Variants in ATRNL1 observed in about 807,000 individuals in gnomAD.
ATRNL1 encodes the protein attractin like 1.
Under a neutral mutation model 182.7 loss-of-function variants are expected in ATRNL1, and 95 were observed. That is an observed-to-expected ratio of 0.52 (90% CI 0.44 to 0.62). The LOEUF is 0.62. Ranked by LOEUF, ATRNL1 falls within the 20% of genes least tolerant of loss-of-function variation. The pLI, the probability that ATRNL1 is intolerant of heterozygous loss-of-function variation, is 0.00. For synonymous variants in ATRNL1, 576 were observed against 568.3 expected (o/e 1.01, Z -0.19); for missense variants, 1,471 against 1,679.5 (o/e 0.88, Z 2.17).
At chr10:115,161,383 A>G (rs1846775772) in intron 6 of ATRNL1, among the ~76,000 whole-genome samples, 1 of 152,022 alleles carries the variant, frequency 6.6e-6, no homozygotes, top group Non-Finnish European at 1.5e-5. Context: ...GGTGGGATTA[A>G]AATGAATTGT....
chr10:115,594,467 A>C (rs1465767792), intron 26 of ATRNL1, among the ~76,000 whole-genome samples: 1 of 152,124 alleles, frequency 6.6e-6, no homozygotes, highest in East Asian at 1.9e-4. Flanking sequence ...CTAATGAGGA[A>C]CTGTAGGATA....
At chr10:115,403,753 C>T (rs782364446) in intron 20 of ATRNL1, among the ~76,000 whole-genome samples, 4 of 152,162 alleles carry the variant, frequency 2.6e-5, no homozygotes, top group Non-Finnish European at 5.9e-5. Context: ...CACCCAGCCT[C>T]CAACACTAAA....
At chr10:115,451,842 A>G (rs1468147029) in intron 21 of ATRNL1, among the ~76,000 whole-genome samples, 1 of 152,186 alleles carries the variant, frequency 6.6e-6, no homozygotes, top group African/African-American at 2.4e-5. Context: ...TCACAATAGC[A>G]AAAACATGGA....
At chr10:115,756,578 C>A (rs1948595607) in intron 27 of ATRNL1, among the ~76,000 whole-genome samples, 1 of 152,108 alleles carries the variant, frequency 6.6e-6, no homozygotes, top group South Asian at 2.1e-4. Context: ...TGTTTTCCTT[C>A]CAATTATGTG....
At chr10:115,571,732 A>G (rs1020362307) in intron 26 of ATRNL1, among the ~76,000 whole-genome samples, 2 of 152,206 alleles carry the variant, frequency 1.3e-5, no homozygotes, top group East Asian at 1.9e-4. Context: ...ATTTGCAGCT[A>G]TTACCTTTAT....
chr10:115,429,107 A>AT (rs1846032972), intron 21 of ATRNL1, among the ~76,000 whole-genome samples: 1 of 151,944 alleles, frequency 6.6e-6, no homozygotes, highest in Non-Finnish European at 1.5e-5. Flanking sequence ...GTTGAACTTG[A>AT]TTTTATGTGT....
chr10:115,144,210 C>T lies in ATRNL1; in HGVS notation c.829+14675C>T, dbSNP rs566530575. Among the ~76,000 whole-genome samples the T allele has an allele frequency of 1.4e-4, 21 of 151,956 alleles. No homozygotes were observed. In the East Asian group the frequency reaches 1.9e-3, roughly 14 times the overall value. On this transcript the variant is annotated intron_variant, in intron 5 of 28. Transcript: ENST00000355044. ...TCGCCCAGGCTGGAGTGCAGTGGCG[C>T]GATCTCGGCTCACTGCAAGTTCCGC...
chr10:115,947,828 G>A lies in ATRNL1; in HGVS notation c.*3049G>A, dbSNP rs1329599324. The A allele has an allele frequency of 6.6e-6, 1 of 152,190 alleles. No homozygotes were observed. The highest frequency in any genetic ancestry group is 2.4e-5 in the African/African-American group (1 of 41,424). 9.4% of individuals were successfully genotyped at this position (152,190 alleles called of 1,614,324 possible). A position where few individuals can be genotyped will look rare whatever the true frequency, so the allele number is the denominator to read the frequency against. On this transcript the variant is annotated 3_prime_UTR_variant, in exon 29 of 29. Coordinates refer to ENST00000355044, the MANE Select transcript of ATRNL1 (RefSeq NM_207303.4). ...ACCCAGCTTTCAGGTGTGTGGTGCTGGGTAAGTTTCACCTTTGAAGCCTCA... is the reference window on the plus strand; with the variant it reads ...ACCCAGCTTTCAGGTGTGTGGTGCTAGGTAAGTTTCACCTTTGAAGCCTCA...
At chr10:115,540,356 T>A (rs918049739) in intron 25 of ATRNL1, among the ~76,000 whole-genome samples, 2 of 152,038 alleles carry the variant, frequency 1.3e-5, no homozygotes, top group Admixed American at 6.6e-5. Flanking sequence ...ATTGTGACCA[T>A]AGCCTCCAGA....
intron 24 of ATRNL1, among the ~76,000 whole-genome samples, chr10:115,479,045 T>G (rs1554973639): frequency 6.6e-6 from 1 of 151,594 alleles, no homozygotes; most frequent in Non-Finnish European, 1.5e-5. Context: ...AACTGTTTAT[T>G]TAAAAGGCAG....
At chr10:115,882,889 A>T (rs1021334512) in intron 28 of ATRNL1, among the ~76,000 whole-genome samples, 1 of 152,300 alleles carries the variant, frequency 6.6e-6, no homozygotes, top group Non-Finnish European at 1.5e-5. Flanking sequence ...GCCGCCAGTT[A>T]TTTATGGAAG....
chr10:115,573,412 T>C (rs1028978873), intron 26 of ATRNL1, among the ~76,000 whole-genome samples: 27 of 151,454 alleles, frequency 1.8e-4, no homozygotes, highest in African/African-American at 5.3e-4. Flanking sequence ...TGGTCTGCTC[T>C]GGAGCTTGGG....
intron 3 of ATRNL1, among the ~76,000 whole-genome samples, chr10:115,126,103 G>A (rs183413007): frequency 7.9e-5 from 12 of 152,328 alleles, no homozygotes; most frequent in African/African-American, 2.9e-4. Context: ...CTGTCACCAG[G>A]CTGGAGTGCA....
intron 27 of ATRNL1, among the ~76,000 whole-genome samples, chr10:115,735,703 T>C (rs1000180773): frequency 9.9e-5 from 15 of 152,238 alleles, no homozygotes; most frequent in Admixed American, 9.8e-4. Flanking sequence ...TACTAAGTGA[T>C]GAATGGGCAA....
At chr10:115,613,870 C>A (rs1177045971) in intron 26 of ATRNL1, among the ~76,000 whole-genome samples, 2 of 151,802 alleles carry the variant, frequency 1.3e-5, no homozygotes, top group Non-Finnish European at 2.9e-5. Context: ...ATAATATCTC[C>A]TATTTCATTT....
At chr10:115,158,472 T>G (rs1206328044) in intron 5 of ATRNL1, among the ~76,000 whole-genome samples, 1 of 152,076 alleles carries the variant, frequency 6.6e-6, no homozygotes, top group Non-Finnish European at 1.5e-5. Flanking sequence ...ATATCTCTGA[T>G]TACTAAGGAA....
intron 27 of ATRNL1, among the ~76,000 whole-genome samples, chr10:115,781,428 A>G (rs1949263158): frequency 6.6e-6 from 1 of 152,238 alleles, no homozygotes; most frequent in African/African-American, 2.4e-5. Flanking sequence ...CTCTGTATAC[A>G]GTCAAAAGTC....
intron 5 of ATRNL1, among the ~76,000 whole-genome samples, chr10:115,155,139 G>C (rs977376978): frequency 6.6e-6 from 1 of 151,542 alleles, no homozygotes; most frequent in Non-Finnish European, 1.5e-5. Context: ...TCTAGTTTCT[G>C]TTTTAATGGA....
intron 18 of ATRNL1, among the ~76,000 whole-genome samples, chr10:115,320,877 G>T (rs1233896938): frequency 6.6e-6 from 1 of 152,126 alleles, no homozygotes; most frequent in African/African-American, 2.4e-5. Flanking sequence ...CTGTCAATTT[G>T]TCCATCTCAT....
Sources: gnomAD v4.1 joint callset for allele counts (sites outside exome capture counted in the v4.1 genomes callset) on GRCh38, gnomAD v4.1.1 for gene constraint, MANE v1.5 for transcripts, NCBI Gene and HGNC (gene_info 2026-07-23, HGNC 2026-07-21) for gene names.